Variants in SPAG16 observed in about 807,000 individuals in gnomAD.
SPAG16 encodes the protein sperm associated antigen 16.
Under a neutral mutation model 80.4 loss-of-function variants are expected in SPAG16, and 86 were observed. The observed-to-expected ratio is 1.07, with a 90% confidence interval of 0.90 to 1.28. The LOEUF is 1.28. Ranked by LOEUF, SPAG16 falls within the 50% of genes most tolerant of loss-of-function variation. The pLI, the probability that SPAG16 is intolerant of heterozygous loss-of-function variation, is 0.00. For missense variants in SPAG16, 870 were observed against 765.3 expected, an observed-to-expected ratio of 1.14 and a Z score of -1.61; for synonymous variants, 294 against 265.9, an observed-to-expected ratio of 1.11 and a Z score of -1.03.
intron 13 of SPAG16, among the ~76,000 whole-genome samples, chr2:214,026,431 A>G (rs546085600): frequency 5.3e-5 from 8 of 151,724 alleles, no homozygotes; most frequent in African/African-American, 1.7e-4. Flanking sequence ...TCCTATACAC[A>G]TAAAGATGTT....
intron 10 of SPAG16, among the ~76,000 whole-genome samples, chr2:213,672,061 T>C (rs907313992): frequency 1.3e-5 from 2 of 152,176 alleles, no homozygotes; most frequent in African/African-American, 4.8e-5. Context: ...ATATAGGAAA[T>C]AGATCCCAGC....
At chr2:213,686,411 C>T (rs566422572) in intron 10 of SPAG16, among the ~76,000 whole-genome samples, 10 of 151,646 alleles carry the variant, frequency 6.6e-5, no homozygotes, top group South Asian at 2.1e-4. Context: ...CCAAAGCGCC[C>T]GGCTGTTACT....
At chr2:213,664,081 G>A (rs1046005124) in intron 10 of SPAG16, among the ~76,000 whole-genome samples, 1 of 152,002 alleles carries the variant, frequency 6.6e-6, no homozygotes, top group African/African-American at 2.4e-5. Context: ...TTGCCTTTAA[G>A]TTTTTAGAAG....
intron 12 of SPAG16, 38 bp from the exon 13 acceptor site, chr2:214,013,913 A>G (rs2047447305): frequency 6.2e-7 from 1 of 1,603,018 alleles, no homozygotes; most frequent in Admixed American, 1.7e-5. Context: ...GACAGCATAG[A>G]TACTAACTCC....
intron 5 of SPAG16, 164 bp downstream of exon 5, chr2:213,317,520 A>T: frequency 4.5e-6 from 6 of 1,341,024 alleles, no homozygotes; most frequent in Non-Finnish European, 5.7e-6. Context: ...AATTAAACAG[A>T]TGATCAGAAC....
intron 10 of SPAG16, among the ~76,000 whole-genome samples, chr2:213,504,747 A>T (rs2074892234): frequency 6.6e-6 from 1 of 152,240 alleles, no homozygotes; most frequent in African/African-American, 2.4e-5. Context: ...ATGGTGGAAA[A>T]TGGGGAAAAA....
chr2:213,666,864 G>C (rs1377766698), intron 10 of SPAG16, among the ~76,000 whole-genome samples: 1 of 152,108 alleles, frequency 6.6e-6, no homozygotes, highest in Non-Finnish European at 1.5e-5. Context: ...GCTTAAGAGA[G>C]TAGCAATTCT....
At chr2:213,737,488 C>CTTTT (rs2067336051) in intron 10 of SPAG16, among the ~76,000 whole-genome samples, 1 of 45,058 alleles carries the variant, frequency 2.2e-5, no homozygotes, top group African/African-American at 4.5e-5. Flanking sequence ...TTTTCTTTTT[C>CTTTT]TTTTCTTTTT....
chr2:214,071,775 T>A (rs2050799018), intron 13 of SPAG16, among the ~76,000 whole-genome samples: 1 of 152,130 alleles, frequency 6.6e-6, no homozygotes, highest in African/African-American at 2.4e-5. Flanking sequence ...TTATATATAT[T>A]TCTTTGGTCA....
chr2:213,338,792 T>TGGG (rs2064517754), intron 5 of SPAG16, among the ~76,000 whole-genome samples: 2 of 152,106 alleles, frequency 1.3e-5, no homozygotes, highest in African/African-American at 4.8e-5. Flanking sequence ...TGTTCTCACT[T>TGGG]ATAAGTGGGA....
chr2:214,280,289 A>G (rs558096973), intron 15 of SPAG16, among the ~76,000 whole-genome samples: 68 of 152,344 alleles, frequency 4.5e-4, no homozygotes, highest in Admixed American at 4.6e-4. Context: ...TAAGATGTCA[A>G]TTCTCCCCAG....
intron 8 of SPAG16, chr2:213,364,730 A>G (rs141026177): frequency 6.6e-6 from 1 of 152,398 alleles, no homozygotes; most frequent in African/African-American, 2.4e-5. Context: ...ATGAGTCCTT[A>G]GCTGAGGCTG....
chr2:213,753,173 C>T (rs1416183975), intron 10 of SPAG16, among the ~76,000 whole-genome samples: 9 of 152,038 alleles, frequency 5.9e-5, no homozygotes, highest in African/African-American at 1.9e-4. Flanking sequence ...TCACCACGCC[C>T]GGCTAATTTT....
chr2:213,858,971 A>G (rs7603276), intron 10 of SPAG16, among the ~76,000 whole-genome samples: 51,861 of 151,030 alleles, frequency 0.34, 9,295 homozygotes, highest in South Asian at 0.47. Flanking sequence ...ATGAGGTCAA[A>G]AGTTTGAGAC....
At chr2:214,406,308 A>G (rs1242574702) in intron 15 of SPAG16, among the ~76,000 whole-genome samples, 1 of 152,172 alleles carries the variant, frequency 6.6e-6, no homozygotes, top group Non-Finnish European at 1.5e-5. Flanking sequence ...TTGATTGAAA[A>G]GTTTTAAAAA....
chr2:214,063,820 A>C (rs2125193404), intron 13 of SPAG16, among the ~76,000 whole-genome samples: 1 of 152,270 alleles, frequency 6.6e-6, no homozygotes, highest in African/African-American at 2.4e-5. Context: ...ATTATGTTTT[A>C]ATAATACATA....
intron 9 of SPAG16, among the ~76,000 whole-genome samples, chr2:213,387,429 CTCTTTTTTTTTT>C (rs2067487430): frequency 5.6e-5 from 4 of 71,760 alleles, no homozygotes; most frequent in Non-Finnish European, 9.5e-5. Context: ...GAAATGCATG[CTCTTTTTTTTTT>C]TTTTTTTTTT....
intron 15 of SPAG16, among the ~76,000 whole-genome samples, chr2:214,282,920 G>A (rs1181068382): frequency 1.3e-5 from 2 of 151,952 alleles, no homozygotes; most frequent in African/African-American, 4.8e-5. Context: ...CTTTACCTTC[G>A]ACTGACAGAT....
intron 10 of SPAG16, among the ~76,000 whole-genome samples, chr2:213,587,302 T>C (rs879779494): frequency 1.2e-4 from 19 of 152,130 alleles, no homozygotes; most frequent in African/African-American, 3.6e-4. Flanking sequence ...GGAGCCATCC[T>C]AGGTCAGATG....
Sources: allele counts gnomAD v4.1 joint callset (sites outside exome capture counted in the v4.1 genomes callset), GRCh38; gene constraint gnomAD v4.1.1; transcripts MANE v1.5; gene names NCBI Gene and HGNC (gene_info 2026-07-23, HGNC 2026-07-21).